PRDM5: variants seen among roughly 807,000 people sequenced by gnomAD.
PRDM5 encodes PR domain zinc finger protein 5.
In PRDM5, 56 loss-of-function variants were observed where a neutral mutation model predicts 81.2. The observed-to-expected ratio is 0.69, with a 90% CI of 0.56 to 0.86. The LOEUF is 0.86. Among genes scored for constraint, PRDM5 ranks in the 40% least tolerant of loss-of-function variants. PRDM5 has a pLI of 0.00. For missense variants in PRDM5, 697 were observed against 770.1 expected (o/e 0.91, Z 1.12); for synonymous variants, 267 against 256.4 (o/e 1.04, Z -0.39).
intron 13 of PRDM5, among the ~76,000 whole-genome samples, chr4:120,761,997 G>GAAC (rs1347714210): frequency 6.6e-6 from 1 of 151,954 alleles, no homozygotes; most frequent in African/African-American, 2.4e-5. Flanking sequence ...CCTATGCTTT[G>GAAC]AACATTTTAT....
At chr4:120,762,444 CTTTACATTTT>C (rs796683316) in intron 13 of PRDM5, 4 of 152,220 alleles carry the variant, frequency 2.6e-5, no homozygotes, top group African/African-American at 9.6e-5. Context: ...TTTAGAAGAA[CTTTACATTTT>C]TTTCCATGAA....
intron 15 of PRDM5, among the ~76,000 whole-genome samples, chr4:120,700,658 A>G (rs1450919856): frequency 6.6e-6 from 1 of 152,220 alleles, no homozygotes; most frequent in Non-Finnish European, 1.5e-5. Flanking sequence ...AATAAAACAT[A>G]TATATGCACT....
chr4:120,779,908 TCAAA>T (rs113762671), intron 12 of PRDM5, among the ~76,000 whole-genome samples: 21 of 151,658 alleles, frequency 1.4e-4, no homozygotes, highest in East Asian at 9.7e-4. Flanking sequence ...AGACTCTGAC[TCAAA>T]CAAACAAACA....
At chr4:120,850,059 T>C (rs965340057) in intron 3 of PRDM5, among the ~76,000 whole-genome samples, 1 of 152,054 alleles carries the variant, frequency 6.6e-6, no homozygotes, top group African/African-American at 2.4e-5. Flanking sequence ...ATTGCAAAAC[T>C]AGAAATATAA....
rs3838231 is a variant in PRDM5, at chr4:120,811,184, A to AT, written c.945+185dup. The stretch of plus-strand genomic sequence containing the variant: ...TAACAAGAGCAAAAATTAAAACTCC[A>AT]TTAATTCTATTTTATTACAAATTAT... On this transcript the variant is annotated intron_variant, in intron 8 of 15. Coordinates refer to ENST00000264808, the MANE Select transcript of PRDM5 (RefSeq NM_018699.4). Among the ~76,000 whole-genome samples, 56,221 of 151,840 alleles carry AT rather than the reference A, an allele frequency of 0.37. 10,572 individuals are homozygous for AT. The highest frequency in any genetic ancestry group is 0.43 in the African/African-American group (17,762 of 41,452).
chr4:120,777,369 T>G, intron 12 of PRDM5, 88 bp from the exon 13 acceptor site: 1 of 1,576,002 alleles, frequency 6.3e-7, no homozygotes, highest in Non-Finnish European at 8.7e-7. Context: ...TAAATCCTTA[T>G]TTTGTAGGAT....
intron 14 of PRDM5, among the ~76,000 whole-genome samples, chr4:120,715,850 C>G (rs1221422970): frequency 6.6e-6 from 1 of 152,058 alleles, no homozygotes; most frequent in Non-Finnish European, 1.5e-5. Flanking sequence ...ACCCTAAGAG[C>G]AAGAAGAGGT....
intron 1 of PRDM5, among the ~76,000 whole-genome samples, chr4:120,917,212 C>T (rs966794847): frequency 1.3e-5 from 2 of 152,166 alleles, no homozygotes; most frequent in African/African-American, 4.8e-5. Context: ...AACAGGCAAA[C>T]TCCCGTCTTA....
chr4:120,755,892 C>A (rs1198919439), intron 13 of PRDM5, among the ~76,000 whole-genome samples: 2 of 152,184 alleles, frequency 1.3e-5, no homozygotes, highest in African/African-American at 4.8e-5. Flanking sequence ...GAGAAGCACC[C>A]AGGATTCTCC....
At chr4:120,857,030 C>A (rs777179338) in intron 2 of PRDM5, among the ~76,000 whole-genome samples, 2 of 152,154 alleles carry the variant, frequency 1.3e-5, no homozygotes, top group Non-Finnish European at 2.9e-5. Context: ...TTTGCACAGG[C>A]TTCCTACAGT....
At chr4:120,728,339 T>C (rs941126300) in intron 14 of PRDM5, among the ~76,000 whole-genome samples, 17 of 152,092 alleles carry the variant, frequency 1.1e-4, no homozygotes, top group African/African-American at 3.9e-4. Flanking sequence ...GTGATGAAAA[T>C]GTATTTGGGA....
chr4:120,867,962 G>T (rs919272935), intron 2 of PRDM5, among the ~76,000 whole-genome samples: 1 of 152,204 alleles, frequency 6.6e-6, no homozygotes, highest in East Asian at 1.9e-4. Context: ...AACATTGGGC[G>T]CTGCCAATGA....
chr4:120,842,287 T>A (rs1342305946), intron 3 of PRDM5, among the ~76,000 whole-genome samples: 3 of 152,200 alleles, frequency 2.0e-5, no homozygotes, highest in Non-Finnish European at 4.4e-5. Context: ...ATGTGACACT[T>A]TGCCAGACCA....
chr4:120,711,992 T>C (rs954857158), intron 14 of PRDM5, among the ~76,000 whole-genome samples: 1 of 152,114 alleles, frequency 6.6e-6, no homozygotes, highest in African/African-American at 2.4e-5. Context: ...AATATTGCTA[T>C]AAACATTCTT....
At chr4:120,713,156 C>T (rs780690529) in intron 14 of PRDM5, among the ~76,000 whole-genome samples, 1 of 152,082 alleles carries the variant, frequency 6.6e-6, no homozygotes, top group South Asian at 2.1e-4. Context: ...AACTATTATG[C>T]TATTGGAAAA....
chr4:120,810,145 T>C (rs1364286811), intron 8 of PRDM5, among the ~76,000 whole-genome samples: 2 of 152,188 alleles, frequency 1.3e-5, no homozygotes, highest in Non-Finnish European at 2.9e-5. Context: ...CCCTGGTCCT[T>C]GGAAAACTTG....
At chr4:120,726,961 A>T (rs1369104039) in intron 14 of PRDM5, among the ~76,000 whole-genome samples, 1 of 152,232 alleles carries the variant, frequency 6.6e-6, no homozygotes, top group Non-Finnish European at 1.5e-5. Flanking sequence ...ATTTAAAAAA[A>T]TTTAAAATTC....
rs141852676 is a variant in PRDM5, at chr4:120,843,372, A to G, written c.300+10046T>C. 5.9e-5 allele frequency among the ~76,000 whole-genome samples: 9 copies of G among 151,926 alleles called. No homozygotes were observed. The East Asian group carries it at 1.7e-3, about 29-fold the overall frequency. ...AATTAATTAATTTAATTTAATGCCA[A>G]TGTCCTGCACAAGACTACCATAAAT... On this transcript the variant is annotated intron_variant, in intron 3 of 15. Transcript: ENST00000264808.
intron 14 of PRDM5, among the ~76,000 whole-genome samples, chr4:120,716,928 AC>A (rs1297304704): frequency 6.6e-6 from 1 of 152,084 alleles, no homozygotes; most frequent in Non-Finnish European, 1.5e-5. Context: ...TCTTTTCATT[AC>A]CCCTAATAAG....
Sources: gnomAD v4.1 joint callset for allele counts (sites outside exome capture counted in the v4.1 genomes callset) on GRCh38, gnomAD v4.1.1 for gene constraint, MANE v1.5 for transcripts, NCBI Gene and HGNC (gene_info 2026-07-23, HGNC 2026-07-21) for gene names.